ZNF721: variants seen among roughly 807,000 people sequenced by gnomAD.
ZNF721 encodes the protein zinc finger protein 721.
Under a neutral mutation model 2.4 loss-of-function variants are expected in ZNF721, and 2 were observed. The ratio of observed to expected loss-of-function variants is 0.82; its 90% CI spans 0.34 to 2.58. ZNF721 has a LOEUF of 2.58. Among genes scored for constraint, ZNF721 ranks in the 30% most tolerant of loss-of-function variants. ZNF721 has a pLI of 0.11. For synonymous variants in ZNF721, 398 were observed against 381.8 expected, an observed-to-expected ratio of 1.04 and a Z score of -0.50; for missense variants, 1,187 against 1,085.5, an observed-to-expected ratio of 1.09 and a Z score of -1.31.
At chr4:464,936 T>C (rs1014812461) in intron 2 of ZNF721, among the ~76,000 whole-genome samples, 3 of 149,346 alleles carry the variant, frequency 2.0e-5, no homozygotes, top group Admixed American at 1.3e-4. Context: ...AAAAAAAAAA[T>C]TGGCCAGGTG....
chr4:470,782 G>C (rs548604062), intron 2 of ZNF721, among the ~76,000 whole-genome samples: 1 of 152,022 alleles, frequency 6.6e-6, no homozygotes, highest in South Asian at 2.1e-4. Flanking sequence ...CAGCAATTTG[G>C]GAGGCCAAGA....
intron 1 of ZNF721, among the ~76,000 whole-genome samples, chr4:483,775 TTTAATCCTAACATAA>T (rs1314026175): frequency 6.6e-6 from 1 of 152,218 alleles, no homozygotes; most frequent in Non-Finnish European, 1.5e-5. Flanking sequence ...ATATTACATA[TTTAATCCTAACATAA>T]TATTTCAGAA....
chr4:497,538 G>C (rs1262804584), intron 1 of ZNF721, among the ~76,000 whole-genome samples: 1 of 152,028 alleles, frequency 6.6e-6, no homozygotes, highest in Non-Finnish European at 1.5e-5. Flanking sequence ...CAAGGTGGTC[G>C]GGGCACAGCT....
intron 2 of ZNF721, among the ~76,000 whole-genome samples, chr4:450,659 G>A (rs576527249): frequency 1.6e-3 from 200 of 123,638 alleles, no homozygotes; most frequent in Middle Eastern, 8.9e-3. Flanking sequence ...CAAAAAAGCC[G>A]GGCGCGGTTG....
In ZNF721 at chr4:486,932, A is replaced by G. The variant is rs570328224; in HGVS notation, c.-94+12124T>C. 5.3e-5 allele frequency among the ~76,000 whole-genome samples: 8 copies of G among 152,236 alleles called. No individual in the cohort carries two copies. In the South Asian group the frequency reaches 1.5e-3, roughly 28 times the overall value. ...ACATTCTCAAAAAAATCTTGCTCCT[A>G]TTTCAGAAGTGTCACTCCAGCCCCT... is the stretch of plus-strand genomic sequence containing the variant. On this transcript the variant is annotated intron_variant, in intron 1 of 2. Coordinates refer to ENST00000511833, the MANE Select transcript of ZNF721 (RefSeq NM_133474.4).
intron 1 of ZNF721, among the ~76,000 whole-genome samples, chr4:487,796 T>C (rs1330623657): frequency 6.6e-6 from 1 of 152,058 alleles, no homozygotes; most frequent in Non-Finnish European, 1.5e-5. Flanking sequence ...AACACCAAGG[T>C]CTGGGAGCAG....
rs116260912 is a variant in ZNF721 at position 491,274 on chromosome 4, C to T, written c.-94+7782G>A. Among the ~76,000 whole-genome samples the T allele has an allele frequency of 2.8e-3, 428 of 151,946 alleles. 2 individuals carry two copies. The highest frequency in any genetic ancestry group is 0.01 in the Middle Eastern group (3 of 294). On this transcript the variant is annotated intron_variant, in intron 1 of 2. Coordinates refer to ENST00000511833, the MANE Select transcript of ZNF721 (RefSeq NM_133474.4). Reference sequence around the variant, plus strand: ...AAGCCCGTGTCTACAAAAAATTAGACGAGTGTGGTGGCAGGTGCCTGTAAT... The same window carrying T: ...AAGCCCGTGTCTACAAAAAATTAGATGAGTGTGGTGGCAGGTGCCTGTAAT...
rs555371190 is a variant in ZNF721 at position 472,926 on chromosome 4, C to A, written c.-93-225G>T. ...AATGGGCTACACTGACCTGCCCCTACCAAAACCAAGCAGAGTAGGCCCTGT... is the reference window on the plus strand; with the variant it reads ...AATGGGCTACACTGACCTGCCCCTAACAAAACCAAGCAGAGTAGGCCCTGT... On this transcript the variant is annotated intron_variant, in intron 1 of 2. Coordinates refer to ENST00000511833, the MANE Select transcript of ZNF721 (RefSeq NM_133474.4). Among the ~76,000 whole-genome samples, 10 of 152,164 alleles carry A rather than the reference C, an allele frequency of 6.6e-5. No individual in the cohort carries two copies. In the East Asian group the frequency reaches 1.7e-3, roughly 27 times the overall value.
chr4:491,645 G>C (rs1290786673), intron 1 of ZNF721, among the ~76,000 whole-genome samples: 2 of 152,110 alleles, frequency 1.3e-5, no homozygotes, highest in African/African-American at 4.8e-5. Flanking sequence ...CAAAATTCCA[G>C]ACAAGACACA....
chr4:467,054 TA>T (rs1182304356), intron 2 of ZNF721, among the ~76,000 whole-genome samples: 1 of 151,824 alleles, frequency 6.6e-6, no homozygotes, highest in East Asian at 1.9e-4. Context: ...CCGTCTCTAC[TA>T]AAAATACAAA....
chr4:454,498 C>T (rs1179136438), intron 2 of ZNF721, among the ~76,000 whole-genome samples: 1 of 152,210 alleles, frequency 6.6e-6, no homozygotes, highest in Non-Finnish European at 1.5e-5. Flanking sequence ...TTGAGCCTTA[C>T]TGCATACTGA....
Position 442,197 on chromosome 4 carries a change from TCTTTA to T in ZNF721, c.2265_2269del (p.Cys755Ter). 1 of 1,612,272 alleles carries T rather than the reference TCTTTA, an allele frequency of 6.2e-7. No homozygotes were observed. The highest frequency in any genetic ancestry group is 8.5e-7 in the Non-Finnish European group (1 of 1,178,792). The stretch of plus-strand genomic sequence containing the variant: ...GGACTGTTTAAACACTTTCCCACAT[TCTTTA>T]CATTTGTAGAGTTTATCTCCAGTAT... On this transcript the variant is annotated stop_gained and frameshift_variant, in exon 3 of 3. Coordinates refer to ENST00000511833, the MANE Select transcript of ZNF721 (RefSeq NM_133474.4). LOFTEE classifies it low-confidence loss of function (END_TRUNC).
intron 1 of ZNF721, among the ~76,000 whole-genome samples, chr4:479,080 A>T (rs1553869030): frequency 6.6e-6 from 1 of 152,108 alleles, no homozygotes; most frequent in Non-Finnish European, 1.5e-5. Context: ...GTTAATTTTT[A>T]AAAATTTCAA....
chr4:492,004 TACAAAAA>T (rs1716034226), intron 1 of ZNF721, among the ~76,000 whole-genome samples: 1 of 139,476 alleles, frequency 7.2e-6, no homozygotes, highest in Non-Finnish European at 1.6e-5. Flanking sequence ...AAAAAAAAAA[TACAAAAA>T]ATTAGTCGGG....
At chr4:488,990 G>T (rs1553871036) in intron 1 of ZNF721, among the ~76,000 whole-genome samples, 2 of 152,162 alleles carry the variant, frequency 1.3e-5, no homozygotes, top group East Asian at 1.9e-4. Context: ...GGGAAGAAAT[G>T]TGATTAAGAA....
intron 1 of ZNF721, among the ~76,000 whole-genome samples, chr4:495,832 G>C (rs1343661261): frequency 6.6e-6 from 1 of 152,214 alleles, no homozygotes; most frequent in East Asian, 1.9e-4. Flanking sequence ...TTGATCTCTT[G>C]ACCTCATGAT....
At chr4:480,417 T>A (rs1715743179) in intron 1 of ZNF721, among the ~76,000 whole-genome samples, 1 of 152,236 alleles carries the variant, frequency 6.6e-6, no homozygotes, top group African/African-American at 2.4e-5. Context: ...TCAGAAAAAC[T>A]CAAAACATTG....
At chr4:485,460 G>A (rs1440619225) in intron 1 of ZNF721, among the ~76,000 whole-genome samples, 1 of 151,914 alleles carries the variant, frequency 6.6e-6, no homozygotes, top group African/African-American at 2.4e-5. Flanking sequence ...GAGGTGAGTA[G>A]AGAACACAGG....
intron 1 of ZNF721, among the ~76,000 whole-genome samples, chr4:498,662 A>T (rs563300246): frequency 6.6e-6 from 1 of 152,192 alleles, no homozygotes; most frequent in African/African-American, 2.4e-5. Flanking sequence ...CTCATGTGGC[A>T]TCTTTAAAAC....
Sources: gnomAD v4.1 joint callset for allele counts (sites outside exome capture counted in the v4.1 genomes callset) on GRCh38, gnomAD v4.1.1 for gene constraint, MANE v1.5 for transcripts, NCBI Gene and HGNC (gene_info 2026-07-23, HGNC 2026-07-21) for gene names.